Variants in RBFOX1 observed in about 807,000 individuals in gnomAD.
The protein encoded by RBFOX1 is RNA binding protein fox-1 homolog 1.
In RBFOX1, 8 loss-of-function variants were observed where a neutral mutation model predicts 57.7. The observed-to-expected ratio is 0.14, with a 90% confidence interval of 0.08 to 0.25. The LOEUF (loss-of-function observed/expected upper bound fraction) is 0.25, where lower values mean the gene tolerates loss of function less well. RBFOX1 is among the 10% of genes least tolerant of loss of function. RBFOX1 has a pLI of 1.00. For synonymous variants in RBFOX1, 326 were observed against 222.4 expected, an observed-to-expected ratio of 1.47 and a Z score of -4.15; for missense variants, 611 against 548.5, an observed-to-expected ratio of 1.11 and a Z score of -1.14.
chr16:6,379,936 G>T (rs2091620112), intron 2 of RBFOX1, among the ~76,000 whole-genome samples: 1 of 152,162 alleles, frequency 6.6e-6, no homozygotes, highest in Non-Finnish European at 1.5e-5. Context: ...AAAGCTTCAG[G>T]AGAGGGGGTG....
At chr16:7,089,881 T>G (rs1241604566) in intron 4 of RBFOX1, among the ~76,000 whole-genome samples, 1 of 148,816 alleles carries the variant, frequency 6.7e-6, no homozygotes, top group Non-Finnish European at 1.5e-5. Context: ...GTATTCTGTT[T>G]ACATCTTTAA....
rs1340006155 is a variant in RBFOX1 at position 5,949,047 on chromosome 16, G to T, written c.351+81712G>T. Reference sequence around the variant, plus strand: ...GCGTCATATACACAACTATTATGGGGGGTGTACTCTTTGAAGGTAATTGGA... The same window carrying T: ...GCGTCATATACACAACTATTATGGGTGGTGTACTCTTTGAAGGTAATTGGA... On this transcript the variant is annotated intron_variant, in intron 4 of 19. Coordinates refer to the RBFOX1 transcript ENST00000641259. 2.0e-5 allele frequency among the ~76,000 whole-genome samples: 3 copies of T among 152,074 alleles called. No individual in the cohort carries two copies. The East Asian group carries it at 5.8e-4, about 29-fold the overall frequency.
At chr16:7,049,728 A>G (rs972424647) in intron 3 of RBFOX1, among the ~76,000 whole-genome samples, 3 of 152,088 alleles carry the variant, frequency 2.0e-5, no homozygotes, top group Admixed American at 6.6e-5. Flanking sequence ...AGAGATCTCA[A>G]ATAGCTCCCC....
At chr16:5,672,223 T>C (rs1004876131) in intron 3 of RBFOX1, among the ~76,000 whole-genome samples, 17 of 152,140 alleles carry the variant, frequency 1.1e-4, no homozygotes, top group African/African-American at 4.1e-4. Context: ...TTAGGTGAGC[T>C]TCATAGTGGC....
At chr16:5,633,146 C>T (rs1480713589) in intron 3 of RBFOX1, among the ~76,000 whole-genome samples, 1 of 151,984 alleles carries the variant, frequency 6.6e-6, no homozygotes, top group South Asian at 2.1e-4. Context: ...GCCATATTGG[C>T]CAGGCTGGTC....
intron 4 of RBFOX1, among the ~76,000 whole-genome samples, chr16:7,359,802 G>C (rs1179948749): frequency 1.3e-5 from 2 of 152,084 alleles, no homozygotes; most frequent in Non-Finnish European, 2.9e-5. Flanking sequence ...GGCTAACATG[G>C]TGAAACCCCG....
chr16:7,174,501 C>G (rs1228284695), intron 4 of RBFOX1, among the ~76,000 whole-genome samples: 3 of 152,322 alleles, frequency 2.0e-5, no homozygotes, highest in Non-Finnish European at 2.9e-5. Flanking sequence ...ACTAAACTGG[C>G]TGGGCGCAGT....
chr16:7,480,732 A>G lies in RBFOX1; in HGVS notation c.28-37415A>G, dbSNP rs560659611. 2.6e-5 allele frequency among the ~76,000 whole-genome samples: 4 copies of G among 152,320 alleles called. No homozygotes were observed. In the South Asian group the frequency reaches 6.2e-4, roughly 24 times the overall value. Reference sequence around the variant, plus strand: ...GAGAAATCTTCTGCCCTCCGAGGGCACAGGCTTGACTGCAAGGGGATGTGG... The same window carrying G: ...GAGAAATCTTCTGCCCTCCGAGGGCGCAGGCTTGACTGCAAGGGGATGTGG... On this transcript the variant is annotated intron_variant, in intron 4 of 15. Coordinates refer to ENST00000550418, the MANE Select transcript of RBFOX1 (RefSeq NM_018723.4).
At chr16:6,864,799 G>A (rs2059620091) in intron 3 of RBFOX1, among the ~76,000 whole-genome samples, 2 of 151,806 alleles carry the variant, frequency 1.3e-5, no homozygotes, top group East Asian at 3.9e-4. Context: ...AAAACAATAA[G>A]GAGAGACATA....
At chr16:5,995,387 C>T (rs189650496) in intron 4 of RBFOX1, among the ~76,000 whole-genome samples, 20 of 152,070 alleles carry the variant, frequency 1.3e-4, no homozygotes, top group African/African-American at 2.9e-4. Context: ...ATAGATTGCC[C>T]GCCATGAATT....
intron 2 of RBFOX1, among the ~76,000 whole-genome samples, chr16:6,485,226 A>G (rs1252396165): frequency 6.6e-6 from 1 of 152,164 alleles, no homozygotes; most frequent in African/African-American, 2.4e-5. Flanking sequence ...ATCTGCCCAC[A>G]CGCTTCCCAC....
chr16:6,003,214 G>A (rs1338111267), intron 4 of RBFOX1, among the ~76,000 whole-genome samples: 2 of 151,332 alleles, frequency 1.3e-5, no homozygotes, highest in Non-Finnish European at 2.9e-5. Flanking sequence ...GGGAGGCGGA[G>A]CTTCCGGTGA....
intron 4 of RBFOX1, among the ~76,000 whole-genome samples, chr16:5,874,465 C>A (rs925531752): frequency 2.0e-5 from 3 of 152,150 alleles, no homozygotes; most frequent in African/African-American, 7.2e-5. Flanking sequence ...TGTCTAGCAC[C>A]AGAGAGCTAT....
intron 3 of RBFOX1, among the ~76,000 whole-genome samples, chr16:7,008,324 C>G (rs964261557): frequency 1.3e-5 from 2 of 152,002 alleles, no homozygotes; most frequent in African/African-American, 4.8e-5. Flanking sequence ...GGTGGATCAC[C>G]TGAGGCCAGG....
In RBFOX1 at chr16:6,469,643, G is replaced by A. The variant is rs550699308; in HGVS notation, c.-64+152586G>A. On this transcript the variant is annotated intron_variant, in intron 2 of 15. Coordinates refer to ENST00000550418, the MANE Select transcript of RBFOX1 (RefSeq NM_018723.4). ...TGCTTTGATAGCCGGTGGAATCACT[G>A]GCAACGTTCACATTTTTTCCTCCTC... 2.0e-5 allele frequency among the ~76,000 whole-genome samples: 3 copies of A among 152,296 alleles called. No individual in the cohort carries two copies. The South Asian group carries it at 6.2e-4, about 32-fold the overall frequency.
intron 3 of RBFOX1, among the ~76,000 whole-genome samples, chr16:6,862,387 C>T (rs1047655070): frequency 7.2e-5 from 11 of 152,106 alleles, no homozygotes; most frequent in African/African-American, 2.7e-4. Flanking sequence ...AGAGCAGGTT[C>T]AATGAAATGG....
intron 2 of RBFOX1, among the ~76,000 whole-genome samples, chr16:6,383,298 G>A (rs1046320887): frequency 2.6e-5 from 4 of 152,210 alleles, no homozygotes; most frequent in African/African-American, 9.6e-5. Context: ...CTTGGCATCA[G>A]TTGACTCTCC....
At chr16:7,299,548 G>A (rs564204205) in intron 4 of RBFOX1, among the ~76,000 whole-genome samples, 1 of 152,266 alleles carries the variant, frequency 6.6e-6, no homozygotes, top group East Asian at 1.9e-4. Flanking sequence ...TGCCTGGGAC[G>A]AAGCCCTTTA....
chr16:7,535,064 C>T (rs1049036800), intron 5 of RBFOX1, among the ~76,000 whole-genome samples: 4 of 152,156 alleles, frequency 2.6e-5, no homozygotes, highest in Non-Finnish European at 4.4e-5. Flanking sequence ...GCATAACTAA[C>T]ATTGAAGGGA....
Sources: gnomAD v4.1 joint callset for allele counts (sites outside exome capture counted in the v4.1 genomes callset) on GRCh38, gnomAD v4.1.1 for gene constraint, MANE v1.5 for transcripts, NCBI Gene and HGNC (gene_info 2026-07-23, HGNC 2026-07-21) for gene names.